Variants in ANKRD42 observed in about 807,000 individuals in gnomAD.
ANKRD42 encodes the protein ankyrin repeat domain 42.
A neutral mutation model predicts 51.5 loss-of-function variants in ANKRD42; 43 were observed. That is an observed-to-expected ratio of 0.83 (90% CI 0.65 to 1.08). ANKRD42 has a LOEUF of 1.08. Among genes scored for constraint, ANKRD42 ranks in the 50% least tolerant of loss-of-function variants. The pLI, the probability that ANKRD42 is intolerant of heterozygous loss-of-function variation, is 0.00. For synonymous variants in ANKRD42, 203 were observed against 213.0 expected, an observed-to-expected ratio of 0.95 and a Z score of 0.41; for missense variants, 608 against 629.3, an observed-to-expected ratio of 0.97 and a Z score of 0.36.
At chr11:83,245,794 G>A (rs1051444) in intron 10 of ANKRD42, among the ~76,000 whole-genome samples, 170 bp downstream of exon 10, 3 of 152,040 alleles carry the variant, frequency 2.0e-5, no homozygotes, top group African/African-American at 7.3e-5. Flanking sequence ...TTAAATAATT[G>A]TGATAAAATA....
At chr11:83,218,464 A>G (rs1487248928) in intron 5 of ANKRD42, among the ~76,000 whole-genome samples, 1 of 152,200 alleles carries the variant, frequency 6.6e-6, no homozygotes, top group South Asian at 2.1e-4. Context: ...GAGCAACATG[A>G]TGTCCTTCCA....
chr11:83,213,920 T>C (rs1165050178), intron 5 of ANKRD42: 1 of 153,708 alleles, frequency 6.5e-6, no homozygotes, highest in Non-Finnish European at 1.4e-5. Context: ...AAATAGAGTC[T>C]TGCTCTGTCG....
At chr11:83,213,559 T>A in intron 5 of ANKRD42, 2 of 1,222,260 alleles carry the variant, frequency 1.6e-6, no homozygotes, top group Non-Finnish European at 2.1e-6. Flanking sequence ...ATTAGTTTTT[T>A]TTTTTAGTTT....
rs756439669 is a variant in ANKRD42 at position 83,198,482 on chromosome 11, C to T, written c.62C>T (p.Ser21Phe). The change falls in exon 2 of 11, where the codon TCC becomes TTC. Residue 21 changes from serine to phenylalanine, a missense_variant. Transcript: ENST00000533342. The part of the protein sequence containing the change: ...TSSRETANPC[S>F]RKKVHFGSIH... ...AAGTAATTTGATTTTTCAATAGGTT[C>T]CAGGAAGAAGGTGCATTTTGGCAGC... The T allele has an allele frequency of 1.9e-5, 31 of 1,608,730 alleles. No homozygotes were observed. Among genetic ancestry groups the T allele is most frequent in the Middle Eastern group, 3.3e-4 (2 of 6,032 alleles).
intron 5 of ANKRD42, chr11:83,213,318 CA>C: frequency 1.3e-6 from 2 of 1,585,956 alleles, no homozygotes. Flanking sequence ...CCAAGAACTG[CA>C]AAGCCATCGT....
chr11:83,242,851 CT>C (rs1457460646), intron 9 of ANKRD42, among the ~76,000 whole-genome samples: 1 of 152,160 alleles, frequency 6.6e-6, no homozygotes, highest in Non-Finnish European at 1.5e-5. Context: ...GCGTGAGCCA[CT>C]GTGCCCGGCC....
Position 83,245,538 on chromosome 11 carries a change from G to T in ANKRD42, c.1236G>T (p.Leu412=), listed in dbSNP as rs77693567. 6,724 of 1,536,454 alleles carry T rather than the reference G, an allele frequency of 4.4e-3. 133 individuals carry two copies. The African/African-American group carries it at 0.057, about 13-fold the overall frequency. Residue 412 remains leucine, a synonymous_variant, in exon 10 of 11, where the codon CTG becomes CTT. Transcript: ENST00000533342. ...YKKIVELRHL[L]EIAESNYKHL... ...AAATTGTAGAATTGAGACACCTCCT[G>T]GAAATTGCCGAGAGCAACTATAAAC...
intron 7 of ANKRD42, among the ~76,000 whole-genome samples, chr11:83,234,467 A>G (rs1344085834): frequency 6.6e-6 from 1 of 152,142 alleles, no homozygotes; most frequent in Non-Finnish European, 1.5e-5. Context: ...CAACTATATA[A>G]TTTTTCTTGT....
intron 9 of ANKRD42, among the ~76,000 whole-genome samples, chr11:83,242,713 G>A (rs1220960669): frequency 6.6e-6 from 1 of 151,906 alleles, no homozygotes; most frequent in Non-Finnish European, 1.5e-5. Context: ...CTACAGGCAC[G>A]TGCCACCACA....
intron 7 of ANKRD42, among the ~76,000 whole-genome samples, chr11:83,231,733 G>T (rs1408927193): frequency 2.6e-5 from 4 of 152,164 alleles, no homozygotes; most frequent in African/African-American, 4.8e-5. Flanking sequence ...TTTTGTATAT[G>T]GTGAGAGATA....
intron 2 of ANKRD42, 146 bp from the exon 3 acceptor site, chr11:83,205,912 T>C: frequency 1.6e-6 from 1 of 633,664 alleles, no homozygotes; most frequent in African/African-American, 1.8e-5. Flanking sequence ...TTGGTTGCCA[T>C]GTCACTGTGC....
chr11:83,195,080 C>G (rs2135467957), intron 1 of ANKRD42, among the ~76,000 whole-genome samples: 1 of 152,332 alleles, frequency 6.6e-6, no homozygotes, highest in South Asian at 2.1e-4. Context: ...TTTCTTCTTT[C>G]ACTCCATTGA....
chr11:83,247,290 A>G (rs1293601373), intron 10 of ANKRD42, among the ~76,000 whole-genome samples: 1 of 152,020 alleles, frequency 6.6e-6, no homozygotes, highest in Non-Finnish European at 1.5e-5. Flanking sequence ...GCTGGCCTCA[A>G]ATTCCTGGCC....
chr11:83,206,906 G>A (rs568601592), intron 3 of ANKRD42, among the ~76,000 whole-genome samples: 2 of 152,248 alleles, frequency 1.3e-5, no homozygotes, highest in African/African-American at 4.8e-5. Flanking sequence ...TCAGTGTTTT[G>A]AAATAGACTG....
Position 83,206,139 on chromosome 11 carries a change from A to C in ANKRD42, c.304A>C (p.Ile102Leu). Reference sequence around the variant, plus strand: ...TTGGACAGCATCTCACATAGCTGCAATCAGGGGTCAGGATGCTTGTGTACA... The same window carrying C: ...TTGGACAGCATCTCACATAGCTGCACTCAGGGGTCAGGATGCTTGTGTACA... Reference protein sequence around the residue: ...RGWTASHIAAIRGQDACVQAL... With the variant: ...RGWTASHIAALRGQDACVQAL... The change falls in exon 3 of 11, where the codon ATC (isoleucine) becomes CTC (leucine). Residue 102 changes from isoleucine to leucine, a missense_variant. Transcript: ENST00000533342. 6.2e-7 allele frequency: 1 copy of C among 1,613,974 alleles called. No individual in the cohort carries two copies. The highest frequency in any genetic ancestry group is 8.5e-7 in the Non-Finnish European group (1 of 1,179,824).
At chr11:83,230,091 G>T (rs1004947309) in intron 7 of ANKRD42, among the ~76,000 whole-genome samples, 1 of 152,102 alleles carries the variant, frequency 6.6e-6, no homozygotes, top group African/African-American at 2.4e-5. Flanking sequence ...TCACTCTGTT[G>T]CCCAGGCTTG....
downstream of ANKRD42, chr11:83,256,149 A>G (rs1248752228): frequency 2.4e-5 from 8 of 328,870 alleles, no homozygotes; most frequent in African/African-American, 1.5e-4. Flanking sequence ...ATATATCTCT[A>G]CACAGGCAAG....
At chr11:83,250,574 C>T (rs1015145987), downstream of ANKRD42, among the ~76,000 whole-genome samples, 53 of 152,274 alleles carry the variant, frequency 3.5e-4, no homozygotes, top group African/African-American at 1.3e-3. Flanking sequence ...AAATGACTAT[C>T]AAATCCATAC....
downstream of ANKRD42, chr11:83,260,232 C>T (rs1262403657): frequency 6.6e-6 from 1 of 152,152 alleles, no homozygotes; most frequent in Admixed American, 6.5e-5. Context: ...ATGTCTCTCT[C>T]CTTAAGATTG....
Sources: allele counts gnomAD v4.1 joint callset (sites outside exome capture counted in the v4.1 genomes callset), GRCh38; gene constraint gnomAD v4.1.1; transcripts MANE v1.5; gene names NCBI Gene and HGNC (gene_info 2026-07-23, HGNC 2026-07-21).